The following FILIP1 variants were observed in gnomAD, a reference collection of about 807,000 sequenced individuals.
FILIP1 encodes filamin A interacting protein 1, also known as filamin-A-interacting protein 1.
FILIP1 carries 61 observed loss-of-function variants against 102.1 expected under a neutral mutation model. The observed-to-expected ratio is 0.60, with a 90% CI of 0.49 to 0.74. FILIP1 has a LOEUF of 0.74. FILIP1 is among the 30% of genes least tolerant of loss of function. FILIP1 has a pLI of 0.00. For missense variants in FILIP1, 1,314 were observed against 1,441.2 expected, an observed-to-expected ratio of 0.91 and a Z score of 1.43; for synonymous variants, 491 against 526.9, an observed-to-expected ratio of 0.93 and a Z score of 0.93.
chr6:75,376,205 A>G (rs1405729756), intron 2 of FILIP1, among the ~76,000 whole-genome samples: 2 of 152,130 alleles, frequency 1.3e-5, no homozygotes, highest in African/African-American at 4.8e-5. Flanking sequence ...ATAGACTCAG[A>G]GCTAGTTTTT....
chr6:75,370,569 CT>C (rs61384517), intron 2 of FILIP1, among the ~76,000 whole-genome samples: 59 of 75,724 alleles, frequency 7.8e-4, no homozygotes, highest in South Asian at 1.4e-3. Flanking sequence ...GGAGTCTCTT[CT>C]TTTTTTTTTT....
intron 2 of FILIP1, chr6:75,399,337 C>G (rs1776573336): frequency 6.6e-6 from 1 of 152,146 alleles, no homozygotes; most frequent in Non-Finnish European, 1.5e-5. Context: ...AAAATAAATC[C>G]TGTTGGCAAA....
At position 75,370,912 on chromosome 6, in the gene FILIP1, A is replaced by G. The variant is rs117130026; in HGVS notation, c.277-7995T>C. Among the ~76,000 whole-genome samples, 48 of 152,268 alleles carry G rather than the reference A, an allele frequency of 3.2e-4. No individual in the cohort carries two copies. In the East Asian group the frequency reaches 8.1e-3, roughly 26 times the overall value. Reference sequence around the variant, plus strand: ...TTTTTAAGTTTATTCCAAAAAGAAAATATGTAAACTGAATAAGGAAAAATA... The same window carrying G: ...TTTTTAAGTTTATTCCAAAAAGAAAGTATGTAAACTGAATAAGGAAAAATA... On this transcript the variant is annotated intron_variant, in intron 2 of 5. Transcript: ENST00000237172.
chr6:75,305,117 G>A (rs1582309707), downstream of FILIP1, among the ~76,000 whole-genome samples: 2 of 152,242 alleles, frequency 1.3e-5, no homozygotes, highest in South Asian at 4.1e-4. Context: ...ACCCTAAAGA[G>A]ACAGAAAGGA....
intron 2 of FILIP1, among the ~76,000 whole-genome samples, chr6:75,409,608 A>T (rs1776986554): frequency 6.6e-6 from 1 of 152,158 alleles, no homozygotes; most frequent in Admixed American, 6.6e-5. Context: ...AACTAGGATT[A>T]TGGGAGGGGA....
chr6:75,321,416 A>G (rs886562742), intron 4 of FILIP1, among the ~76,000 whole-genome samples: 1 of 152,212 alleles, frequency 6.6e-6, no homozygotes, highest in Non-Finnish European at 1.5e-5. Flanking sequence ...CCCACCCTAC[A>G]TAGAAATTTT....
intron 1 of FILIP1, among the ~76,000 whole-genome samples, chr6:75,475,971 T>A (rs1367844644): frequency 2.0e-5 from 3 of 152,202 alleles, no homozygotes; most frequent in African/African-American, 4.8e-5. Flanking sequence ...CCAGGCGCTG[T>A]AGCTCACACC....
intron 2 of FILIP1, among the ~76,000 whole-genome samples, chr6:75,380,317 A>AT (rs200468843): frequency 0.053 from 8,087 of 152,196 alleles, 292 homozygotes; most frequent in Non-Finnish European, 0.076. Context: ...AGCTCAAAAG[A>AT]AAAATGCCTG....
downstream of FILIP1, among the ~76,000 whole-genome samples, chr6:75,304,897 A>C (rs1287341803): frequency 6.6e-6 from 1 of 152,180 alleles, no homozygotes; most frequent in African/African-American, 2.4e-5. Flanking sequence ...TTCTTTATTA[A>C]AAATAAAAAG....
intron 1 of FILIP1, among the ~76,000 whole-genome samples, chr6:75,431,606 G>A (rs1019389679): frequency 1.3e-5 from 2 of 152,084 alleles, no homozygotes; most frequent in Non-Finnish European, 2.9e-5. Context: ...GACACTTGTG[G>A]CCAAGGACAG....
At chr6:75,467,772 T>G (rs568762616) in intron 1 of FILIP1, among the ~76,000 whole-genome samples, 1 of 152,284 alleles carries the variant, frequency 6.6e-6, no homozygotes, top group South Asian at 2.1e-4. Context: ...CAGGTGGTAT[T>G]AGAAGGAGGA....
At chr6:75,400,147 G>A (rs1025374356) in intron 2 of FILIP1, among the ~76,000 whole-genome samples, 1 of 152,088 alleles carries the variant, frequency 6.6e-6, no homozygotes, top group Non-Finnish European at 1.5e-5. Context: ...AGTGTTCATC[G>A]TGACCTGTTT....
chr6:75,320,824 T>C (rs925699766), intron 4 of FILIP1, among the ~76,000 whole-genome samples: 4 of 152,324 alleles, frequency 2.6e-5, no homozygotes, highest in Non-Finnish European at 5.9e-5. Flanking sequence ...AATGTGTCTC[T>C]CAACTGAGAA....
chr6:75,387,996 T>C (rs1373889410), intron 2 of FILIP1, among the ~76,000 whole-genome samples: 1 of 152,212 alleles, frequency 6.6e-6, no homozygotes, highest in African/African-American at 2.4e-5. Flanking sequence ...GGTTTTCTTC[T>C]AGGGTTTTTA....
intron 4 of FILIP1, among the ~76,000 whole-genome samples, chr6:75,347,008 AGTG>A (rs5877451): frequency 0.57 from 85,911 of 151,614 alleles, 24,722 homozygotes; most frequent in South Asian, 0.7. Flanking sequence ...CTTATGACCA[AGTG>A]AAGGTCTGTG....
intron 2 of FILIP1, among the ~76,000 whole-genome samples, chr6:75,375,837 C>T (rs1335664231): frequency 6.6e-6 from 1 of 152,164 alleles, no homozygotes; most frequent in Non-Finnish European, 1.5e-5. Flanking sequence ...TCTACACTTA[C>T]ACATTTGACC....
chr6:75,484,005 T>G (rs1165870131), intron 1 of FILIP1, among the ~76,000 whole-genome samples: 1 of 152,094 alleles, frequency 6.6e-6, no homozygotes, highest in Admixed American at 6.6e-5. Context: ...ATTAGCTACT[T>G]TATTGTTTAT....
At chr6:75,432,912 G>A (rs1424685559) in intron 1 of FILIP1, among the ~76,000 whole-genome samples, 1 of 152,022 alleles carries the variant, frequency 6.6e-6, no homozygotes, top group Admixed American at 6.6e-5. Flanking sequence ...CCACCTATGA[G>A]TGAGAACATG....
At chr6:75,448,583 A>C (rs1368736268) in intron 1 of FILIP1, among the ~76,000 whole-genome samples, 1 of 152,164 alleles carries the variant, frequency 6.6e-6, no homozygotes, top group Non-Finnish European at 1.5e-5. Flanking sequence ...GAGTGGAAGA[A>C]AATCTTTGCA....
Sources: gnomAD v4.1 joint callset for allele counts (sites outside exome capture counted in the v4.1 genomes callset) on GRCh38, gnomAD v4.1.1 for gene constraint, MANE v1.5 for transcripts, NCBI Gene and HGNC (gene_info 2026-07-23, HGNC 2026-07-21) for gene names.